Variants in GNL2 observed in about 807,000 individuals in gnomAD.
GNL2 encodes the protein nucleolar GTP-binding protein 2.
In GNL2, 51 loss-of-function variants were observed where a neutral mutation model predicts 92.3. The ratio of observed to expected loss-of-function variants is 0.55; its 90% CI spans 0.44 to 0.70. The LOEUF (loss-of-function observed/expected upper bound fraction) is 0.70, where lower values mean the gene tolerates loss of function less well. Among genes scored for constraint, GNL2 ranks in the 30% least tolerant of loss-of-function variants. The probability of loss-of-function intolerance (pLI) is 0.00; values close to 1 mark genes in which losing one functional copy is unlikely to be tolerated. For synonymous variants in GNL2, 283 were observed against 300.6 expected, an observed-to-expected ratio of 0.94 and a Z score of 0.61; for missense variants, 844 against 895.6, an observed-to-expected ratio of 0.94 and a Z score of 0.74.
chr1:37,586,146 A>ATATTAT (rs2148140227), intron 5 of GNL2, among the ~76,000 whole-genome samples: 1 of 152,334 alleles, frequency 6.6e-6, no homozygotes, highest in East Asian at 1.9e-4. Context: ...AATAAATATT[A>ATATTAT]TATTATTGTT....
At chr1:37,571,311 G>C (rs558210775) in intron 12 of GNL2, among the ~76,000 whole-genome samples, 5 of 152,316 alleles carry the variant, frequency 3.3e-5, no homozygotes, top group Admixed American at 1.3e-4. Context: ...TGTCCCTATA[G>C]ATAGGATTTC....
chr1:37,592,748 T>C lies in GNL2; in HGVS notation c.208A>G (p.Thr70Ala), dbSNP rs758470331. The change falls in exon 3 of 16, where the codon ACA (threonine) becomes GCA (alanine). Residue 70 changes from threonine (T) to alanine (A), a missense_variant. Thr to Ala is a moderately conservative substitution (Grantham distance 58, BLOSUM62 0). Coordinates refer to ENST00000373062, the MANE Select transcript of GNL2 (RefSeq NM_013285.3). ...LQYQSTVASG[T>A]VARVEPNIKW... is the part of the protein sequence containing the mutation. ...ATATTTGGCTCTACTCTTGCCACTGTGCCAGAAGCCACCGTTGATTGATAT... is the reference window on the plus strand; with the variant it reads ...ATATTTGGCTCTACTCTTGCCACTGCGCCAGAAGCCACCGTTGATTGATAT... The C allele has an allele frequency of 2.5e-6, 4 of 1,608,826 alleles. No individual in the cohort carries two copies. The South Asian group carries it at 4.4e-5, about 18-fold the overall frequency.
intron 2 of GNL2, among the ~76,000 whole-genome samples, 194 bp from the exon 3 acceptor site, chr1:37,593,000 A>G (rs1184972013): frequency 6.6e-6 from 1 of 152,214 alleles, no homozygotes; most frequent in Admixed American, 6.5e-5. Context: ...ACCTCTTGCA[A>G]CAGAGCACGT....
In GNL2 at chr1:37,586,265, T is replaced by C. The variant is rs543643657; in HGVS notation, c.569+1046A>G. Among the ~76,000 whole-genome samples, 172 of 152,308 alleles carry C rather than the reference T, an allele frequency of 1.1e-3. 1 individual carries two copies. Among genetic ancestry groups the C allele is most frequent in the Middle Eastern group, 6.8e-3 (2 of 294 alleles). On this transcript the variant is annotated intron_variant, in intron 5 of 15. Coordinates refer to ENST00000373062, the MANE Select transcript of GNL2 (RefSeq NM_013285.3). The stretch of plus-strand genomic sequence containing the variant: ...CCTCAGCCTTCTGAGTAGCTGGGAC[T>C]CTATGCCCAGCCAATTTTTTATTTT...
At chr1:37,587,525 C>T in intron 4 of GNL2, 30 bp from the exon 5 acceptor site, 1 of 1,486,278 alleles carries the variant, frequency 6.7e-7, no homozygotes, top group Non-Finnish European at 9.2e-7. Context: ...ACAGGTAAAA[C>T]TAAGAAAAGC....
chr1:37,582,840 T>C lies in GNL2; in HGVS notation c.733A>G (p.Lys245Glu). 1.9e-6 allele frequency: 3 copies of C among 1,613,942 alleles called. No homozygotes were observed. Among genetic ancestry groups the C allele is most frequent in the Non-Finnish European group, 2.5e-6 (3 of 1,179,838 alleles). Residue 245 changes from lysine (K) to glutamate (E), a missense_variant, in exon 7 of 16, where the codon AAA (lysine) becomes GAA (glutamate). Physicochemically the swap from Lys to Glu is moderately conservative, Grantham distance 56. Transcript: ENST00000373062. Reference protein sequence around the residue: ...PHIETYLKKEKPWKHLIFVLN... With the variant: ...PHIETYLKKEEPWKHLIFVLN... ...ACAAAAATGAGGTGTTTCCAAGGTTTTTCCTTCTTCAGGTAAGTTTCAATG... is the reference window on the plus strand; with the variant it reads ...ACAAAAATGAGGTGTTTCCAAGGTTCTTCCTTCTTCAGGTAAGTTTCAATG...
intron 14 of GNL2, 85 bp downstream of exon 14, chr1:37,568,190 G>T: frequency 1.3e-6 from 1 of 795,318 alleles, no homozygotes; most frequent in Non-Finnish European, 2.2e-6. Flanking sequence ...GTGGATGACT[G>T]AGATAATTTG....
intron 5 of GNL2, among the ~76,000 whole-genome samples, chr1:37,586,421 C>T (rs1454360832): frequency 2.0e-5 from 3 of 152,126 alleles, no homozygotes; most frequent in African/African-American, 4.8e-5. Context: ...GTGACTGATT[C>T]TCCTTTTGAG....
rs1339808154 is a variant in GNL2, at chr1:37,575,467, T to A, written c.1143+128A>T. Reference sequence around the variant, plus strand: ...GAGAGGCTGCTGTTCAGCATCATGTTCCTAAAGTTTGGTCAGACAGGCTGA... The same window carrying A: ...GAGAGGCTGCTGTTCAGCATCATGTACCTAAAGTTTGGTCAGACAGGCTGA... On this transcript the variant is annotated intron_variant, in intron 10 of 15. Transcript: ENST00000373062. This position sits in a 1 kb window ranked among gnomAD's most constrained non-coding sequence, Gnocchi z 4.1. 7.1e-6 allele frequency: 4 copies of A among 562,026 alleles called. No homozygotes were observed. The African/African-American group carries it at 7.8e-5, about 11-fold the overall frequency. The allele number at this position is 562,026 out of a possible 1,614,324, so 34.8% of individuals were successfully genotyped here.
intron 5 of GNL2, among the ~76,000 whole-genome samples, chr1:37,584,707 T>C (rs1361192453): frequency 2.0e-5 from 3 of 152,076 alleles, no homozygotes; most frequent in Non-Finnish European, 2.9e-5. Flanking sequence ...TTTGGGATGA[T>C]GAAAAAGTTC....
Position 37,595,830 on chromosome 1 carries a change from A to G in GNL2, c.-8T>C, listed in dbSNP as rs761486505. The G allele has an allele frequency of 6.2e-7, 1 of 1,613,984 alleles. No homozygotes were observed. The highest frequency in any genetic ancestry group is 1.1e-5 in the South Asian group (1 of 91,076). On this transcript the variant is annotated 5_prime_UTR_variant, in exon 1 of 16. Transcript: ENST00000373062. ...GTACTTGGGCTTCACCATCTTGGCG[A>G]CGAGACCGGGACCGGAGTGCGAGGT...
intron 5 of GNL2, among the ~76,000 whole-genome samples, chr1:37,585,739 T>C (rs1643840809): frequency 6.6e-6 from 1 of 152,140 alleles, no homozygotes; most frequent in African/African-American, 2.4e-5. Flanking sequence ...ATTTTATCTC[T>C]AGGTGGCCCA....
chr1:37,577,495 A>G (rs191228543), intron 8 of GNL2, among the ~76,000 whole-genome samples: 53 of 152,346 alleles, frequency 3.5e-4, no homozygotes, highest in Non-Finnish European at 4.9e-4. Flanking sequence ...TTAAACCAAT[A>G]GAACCAAACA....
At chr1:37,585,877 G>A (rs1643842596) in intron 5 of GNL2, among the ~76,000 whole-genome samples, 1 of 152,152 alleles carries the variant, frequency 6.6e-6, no homozygotes, top group Admixed American at 6.5e-5. Flanking sequence ...GAGAATGAGA[G>A]CTTTCTAGCA....
chr1:37,569,066 C>A lies in GNL2; in HGVS notation c.1653G>T (p.Glu551Asp). 1 of 1,614,174 alleles carries A rather than the reference C, an allele frequency of 6.2e-7. No individual in the cohort carries two copies. Among genetic ancestry groups the A allele is most frequent in the Non-Finnish European group, 8.5e-7 (1 of 1,180,022 alleles). The change falls in exon 13 of 16, where the codon GAG (glutamate) becomes GAT (aspartate). Residue 551 changes from glutamate (E) to aspartate (D), a missense_variant. Coordinates refer to ENST00000373062, the MANE Select transcript of GNL2 (RefSeq NM_013285.3). ...CAAGCTCTTCCTCAAGATCTGACAC[C>A]TCCACAGGAACCAGGTCATCCCCAG... ...QFSGDDLVPV[E>D]VSDLEEELES...
At chr1:37,583,310 T>C (rs1268017023) in intron 6 of GNL2, 1 of 161,830 alleles carries the variant, frequency 6.2e-6, no homozygotes, top group Non-Finnish European at 1.3e-5. Context: ...AAGTTTAGCT[T>C]GCCTTCACGG....
chr1:37,588,789 C>T (rs1643871294), intron 4 of GNL2, among the ~76,000 whole-genome samples: 1 of 152,174 alleles, frequency 6.6e-6, no homozygotes, highest in African/African-American at 2.4e-5. Context: ...TCTAACTCCA[C>T]TGTGCAAAAT....
intron 4 of GNL2, among the ~76,000 whole-genome samples, chr1:37,588,345 T>C (rs1450359469): frequency 6.6e-6 from 1 of 151,996 alleles, no homozygotes; most frequent in Non-Finnish European, 1.5e-5. Flanking sequence ...CCAAAAGCTG[T>C]GAGGATGATG....
In GNL2 at chr1:37,593,829, C is replaced by T. The variant is rs1203477783; in HGVS notation, c.82G>A (p.Gly28Arg). Residue 28 changes from glycine to arginine, a missense_variant, in exon 2 of 16, where the codon GGA (glycine) becomes AGA (arginine). Gly to Arg is a moderately radical substitution (Grantham distance 125, BLOSUM62 -2). Coordinates refer to ENST00000373062, the MANE Select transcript of GNL2 (RefSeq NM_013285.3). ...STNPDRVQGAGGQNMRDRATI... is the reference protein window; with the variant it reads ...STNPDRVQGARGQNMRDRATI... ...GCCCGGTCCCTCATGTTTTGGCCTC[C>T]TGCTCCCTGCACTCGATCTACAAAA... is the stretch of plus-strand genomic sequence containing the variant. 8 of 1,613,420 alleles carry T rather than the reference C, an allele frequency of 5.0e-6. No individual in the cohort carries two copies. In the Admixed American group the frequency reaches 1.2e-4, roughly 24 times the overall value.
Sources: allele counts gnomAD v4.1 joint callset (sites outside exome capture counted in the v4.1 genomes callset), GRCh38; gene constraint gnomAD v4.1.1; non-coding constraint Gnocchi (gnomAD v3.1); transcripts MANE v1.5; gene names NCBI Gene and HGNC (gene_info 2026-07-23, HGNC 2026-07-21).